Variants in MARS1 observed in about 807,000 individuals in gnomAD.
MARS1 encodes the protein methionyl-tRNA synthetase 1.
Under a neutral mutation model 119.5 loss-of-function variants are expected in MARS1, and 80 were observed. That is an observed-to-expected ratio of 0.67 (90% CI 0.56 to 0.81). The LOEUF is 0.81. Among genes scored for constraint, MARS1 ranks in the 30% least tolerant of loss-of-function variants. MARS1 has a pLI of 0.00. For synonymous variants in MARS1, 418 were observed against 433.4 expected, an observed-to-expected ratio of 0.96 and a Z score of 0.44; for missense variants, 945 against 1,116.5, an observed-to-expected ratio of 0.85 and a Z score of 2.19.
intron 18 of MARS1, 41 bp from the exon 19 acceptor site, chr12:57,515,879 G>A (rs1877783035): frequency 3.4e-6 from 5 of 1,489,800 alleles, no homozygotes; most frequent in Admixed American, 1.7e-5. Context: ...GGTAGAGTCT[G>A]TATCCAATCA....
Position 57,488,850 on chromosome 12 carries a change from G to A in MARS1, c.110-169G>A, listed in dbSNP as rs1875684180. On this transcript the variant is annotated intron_variant, in intron 1 of 20. Transcript: ENST00000262027. ...AGCTGAACACCTGCTGGCCTCTCCAGCCCATTCCGGACCACCCCCTTTCAG... is the reference window on the plus strand; with the variant it reads ...AGCTGAACACCTGCTGGCCTCTCCAACCCATTCCGGACCACCCCCTTTCAG... 14 of 758,152 alleles carry A rather than the reference G, an allele frequency of 1.8e-5. No individual in the cohort carries two copies. The South Asian group carries it at 2.5e-4, about 14-fold the overall frequency. 47.0% of individuals were successfully genotyped at this position (758,152 alleles called of 1,614,324 possible). A position where few individuals can be genotyped will look rare whatever the true frequency, so the allele number is the denominator to read the frequency against.
chr12:57,489,509 C>A lies in MARS1; in HGVS notation c.365C>A (p.Thr122Asn), dbSNP rs201007223. The A allele has an allele frequency of 1.2e-5, 20 of 1,614,148 alleles. No individual in the cohort carries two copies. The highest frequency in any genetic ancestry group is 6.7e-5 in the Admixed American group (4 of 60,014). The change falls in exon 4 of 21, where the codon ACT becomes AAT. Residue 122 changes from threonine (T) to asparagine (N), a missense_variant. Physicochemically the swap from Thr to Asn is moderately conservative, Grantham distance 65. Coordinates refer to ENST00000262027, the MANE Select transcript of MARS1 (RefSeq NM_004990.4). ...CTTGGTTCAGTGCGGAGAGCCCTGA[C>A]TCACATTGACCACAGCTTGAGTCGT... is the stretch of plus-strand genomic sequence containing the variant. Reference protein sequence around the residue: ...DVLGSVRRALTHIDHSLSRQN... With the variant: ...DVLGSVRRALNHIDHSLSRQN...
rs749110648 is a variant in MARS1, at chr12:57,489,014, A to C, written c.110-5A>C. 19 of 1,602,140 alleles carry C rather than the reference A, an allele frequency of 1.2e-5. No homozygotes were observed. In the South Asian group the frequency reaches 1.5e-4, roughly 12 times the overall value. On this transcript the variant is annotated splice_polypyrimidine_tract_variant and splice_region_variant and intron_variant, in intron 1 of 20. Coordinates refer to ENST00000262027, the MANE Select transcript of MARS1 (RefSeq NM_004990.4). ...TTTTTAACCCATTTTCCATTCTTGC[A>C]TCAGATTGTGTGGTCCCGTTCCTGA...
intron 7 of MARS1, among the ~76,000 whole-genome samples, chr12:57,493,681 A>ATAT (rs1876292038): frequency 4.2e-5 from 1 of 23,586 alleles, no homozygotes; most frequent in African/African-American, 3.1e-4. Flanking sequence ...TATATATTAT[A>ATAT]TATAATATAT....
At chr12:57,488,593 C>T in intron 1 of MARS1, 2 of 1,551,110 alleles carry the variant, frequency 1.3e-6, no homozygotes, top group Non-Finnish European at 1.7e-6. Flanking sequence ...AACACACACA[C>T]ACGTTCCTTT....
At chr12:57,499,666 C>T (rs527693786) in intron 9 of MARS1, among the ~76,000 whole-genome samples, 71 of 151,784 alleles carry the variant, frequency 4.7e-4, no homozygotes, top group African/African-American at 1.5e-3. Context: ...TTTGAGAGGC[C>T]GAGGTGGGTG....
At chr12:57,488,773 A>C in intron 1 of MARS1, 2 of 996,576 alleles carry the variant, frequency 2.0e-6, no homozygotes, top group Non-Finnish European at 3.1e-6. Context: ...CACTATCCCA[A>C]TACCACCACC....
intron 18 of MARS1, 141 bp downstream of exon 18, chr12:57,515,477 C>T (rs1293562730): frequency 4.1e-5 from 32 of 781,126 alleles, no homozygotes; most frequent in Non-Finnish European, 1.4e-5. Context: ...CCTTGGTAGT[C>T]GTTCACAAGT....
intron 18 of MARS1, 180 bp downstream of exon 18, chr12:57,515,516 C>G (rs1244142450): frequency 3.1e-6 from 2 of 635,554 alleles, no homozygotes; most frequent in Admixed American, 6.1e-5. Flanking sequence ...CTTCATTGTT[C>G]TTCATGCCAG....
In MARS1 at chr12:57,515,204, T is replaced by G. The variant is rs770669877; in HGVS notation, c.2259T>G (p.Ser753=). 6.2e-7 allele frequency: 1 copy of G among 1,614,234 alleles called. No homozygotes were observed. Among genetic ancestry groups the G allele is most frequent in the Admixed American group, 1.7e-5 (1 of 60,022 alleles). The change falls in exon 18 of 21, where the codon TCT becomes TCG. Residue 753 remains serine, a synonymous_variant. Transcript: ENST00000262027. The part of the protein sequence containing the change: ...GLAVNIAALL[S]VMLQPYMPTV... ...CAGTGAATATAGCTGCCTTGCTCTC[T>G]GTCATGCTTCAGCCTTACATGCCCA...
intron 10 of MARS1, among the ~76,000 whole-genome samples, chr12:57,502,556 A>G (rs772258963): frequency 2.3e-4 from 35 of 151,986 alleles, no homozygotes; most frequent in Middle Eastern, 3.4e-3. Context: ...AAATACAAAA[A>G]TTAGCTGAGT....
At chr12:57,501,815 CT>C (rs1276118913) in intron 10 of MARS1, among the ~76,000 whole-genome samples, 3 of 146,250 alleles carry the variant, frequency 2.1e-5, no homozygotes, top group Non-Finnish European at 3.0e-5. Context: ...AAGTAAGACT[CT>C]GTCTAAAAAA....
In MARS1 at chr12:57,515,919, G is replaced by A; in HGVS notation, c.2392-1G>A. On this transcript the variant is annotated splice_acceptor_variant, in intron 18 of 20. Coordinates refer to ENST00000262027, the MANE Select transcript of MARS1 (RefSeq NM_004990.4). LOFTEE classifies it high-confidence loss of function. ...ATGATTCTGGAACTCTTTTTTTACA[G>A]GTCAGTCCCTTGTTCCAAAAATTGG... The A allele has an allele frequency of 6.2e-7, 1 of 1,612,692 alleles. No individual in the cohort carries two copies.
chr12:57,513,440 G>T (rs1428299748), intron 15 of MARS1, among the ~76,000 whole-genome samples: 1 of 151,790 alleles, frequency 6.6e-6, no homozygotes, highest in Non-Finnish European at 1.5e-5. Context: ...CCAACATAAT[G>T]AATCTCCCAT....
chr12:57,498,145 T>C lies in MARS1; in HGVS notation c.771-12T>C. The C allele has an allele frequency of 6.3e-7, 1 of 1,586,830 alleles. No homozygotes were observed. On this transcript the variant is annotated splice_polypyrimidine_tract_variant and intron_variant, in intron 7 of 20. Coordinates refer to ENST00000262027, the MANE Select transcript of MARS1 (RefSeq NM_004990.4). The stretch of plus-strand genomic sequence containing the variant: ...CCCCCCATGCACTGTTCTCTTCCTC[T>C]TTCCTTACTAGGTTGCCTGTGGCTG...
At position 57,516,233 on chromosome 12, in the gene MARS1, G is replaced by C. The variant is rs1321321339; in HGVS notation, c.2464-12G>C. 6.2e-7 allele frequency: 1 copy of C among 1,612,760 alleles called. No homozygotes were observed. Among genetic ancestry groups the C allele is most frequent in the Admixed American group, 1.7e-5 (1 of 59,996 alleles). ...ATTTATGGTTGCTGGTGATAACTTTGTTGTTCTCCAGGCAAAAACGTCCCC... is the reference window on the plus strand; with the variant it reads ...ATTTATGGTTGCTGGTGATAACTTTCTTGTTCTCCAGGCAAAAACGTCCCC... On this transcript the variant is annotated splice_polypyrimidine_tract_variant and intron_variant, in intron 19 of 20. Coordinates refer to ENST00000262027, the MANE Select transcript of MARS1 (RefSeq NM_004990.4).
chr12:57,492,831 A>G (rs1210874811), intron 7 of MARS1, among the ~76,000 whole-genome samples: 3 of 152,132 alleles, frequency 2.0e-5, no homozygotes, highest in Non-Finnish European at 2.9e-5. Context: ...CTGAGAAGCA[A>G]GAGAGTTTGC....
chr12:57,507,484 AC>A (rs1204870664), intron 11 of MARS1, among the ~76,000 whole-genome samples: 5 of 17,730 alleles, frequency 2.8e-4, no homozygotes, highest in African/African-American at 4.5e-4. Context: ...CGGGGGGCTG[AC>A]CCCCCCCCCA....
chr12:57,508,653 AAGAG>A (rs1312503366), intron 11 of MARS1, among the ~76,000 whole-genome samples: 1 of 149,714 alleles, frequency 6.7e-6, no homozygotes, highest in Non-Finnish European at 1.5e-5. Flanking sequence ...AGACCGTGGA[AAGAG>A]AGGGAGAGGG....
Sources: gnomAD v4.1 joint callset for allele counts (sites outside exome capture counted in the v4.1 genomes callset) on GRCh38, gnomAD v4.1.1 for gene constraint, MANE v1.5 for transcripts, NCBI Gene and HGNC (gene_info 2026-07-23, HGNC 2026-07-21) for gene names.